The following CSTPP1 variants were observed in gnomAD, a reference collection of about 807,000 sequenced individuals.
The protein encoded by CSTPP1 is centriolar satellite-associated tubulin polyglutamylase complex regulator 1.
At chr11:47,064,856 T>C in the CSTPP1 span, among the ~76,000 whole-genome samples, 1 of 152,076 alleles carries the variant, frequency 6.6e-6, no homozygotes. Flanking sequence ...GCGATTCTCC[T>C]GCTTCAGCCT....
the CSTPP1 span, among the ~76,000 whole-genome samples, chr11:47,045,790 CT>C: frequency 1.3e-5 from 2 of 151,562 alleles, no homozygotes; most frequent in African/African-American, 4.8e-5. Flanking sequence ...TCTTTTTTCT[CT>C]TTTTTTTCTT....
the CSTPP1 span, among the ~76,000 whole-genome samples, chr11:46,976,671 C>T: frequency 6.6e-6 from 1 of 152,090 alleles, no homozygotes; most frequent in Non-Finnish European, 1.5e-5. Context: ...AACCCTTTCC[C>T]CACATGAGTT....
chr11:47,073,295 G>A, the CSTPP1 span, among the ~76,000 whole-genome samples: 1 of 152,206 alleles, frequency 6.6e-6, no homozygotes, highest in Non-Finnish European at 1.5e-5. Flanking sequence ...TAGGGAGTGG[G>A]ATCCTATAGA....
the CSTPP1 span, among the ~76,000 whole-genome samples, chr11:47,091,184 G>A: frequency 1.9e-4 from 29 of 151,662 alleles, no homozygotes; most frequent in African/African-American, 7.0e-4. Flanking sequence ...GAGGTCAGGA[G>A]ATCGAGACCA....
At chr11:47,012,695 C>T in the CSTPP1 span, among the ~76,000 whole-genome samples, 6 of 151,940 alleles carry the variant, frequency 3.9e-5, no homozygotes, top group African/African-American at 1.2e-4. Flanking sequence ...ACTGGATTCA[C>T]GATGGGAGCC....
At chr11:47,133,887 A>T in the CSTPP1 span, among the ~76,000 whole-genome samples, 4 of 152,158 alleles carry the variant, frequency 2.6e-5, no homozygotes, top group African/African-American at 9.7e-5. Context: ...AAGATTAGTG[A>T]GGTGACATAT....
At chr11:46,953,221 C>T in the CSTPP1 span, among the ~76,000 whole-genome samples, 2 of 152,074 alleles carry the variant, frequency 1.3e-5, no homozygotes, top group Non-Finnish European at 2.9e-5. Context: ...AAGAGTAAAT[C>T]GGAGGGTGAA....
the CSTPP1 span, among the ~76,000 whole-genome samples, chr11:47,068,925 T>A: frequency 6.6e-6 from 1 of 152,104 alleles, no homozygotes; most frequent in African/African-American, 2.4e-5. Context: ...AATTTCCTAA[T>A]CAGTGGCACA....
the CSTPP1 span, among the ~76,000 whole-genome samples, chr11:47,149,698 C>T: frequency 2.0e-5 from 3 of 152,138 alleles, no homozygotes; most frequent in Non-Finnish European, 4.4e-5. Flanking sequence ...AGACAGACAG[C>T]ACAGCATATG....
the CSTPP1 span, chr11:47,052,599 T>C: frequency 2.6e-6 from 4 of 1,521,354 alleles, no homozygotes; most frequent in Admixed American, 2.0e-5. Context: ...CTCTCTTTCT[T>C]TCTCTCTCTC....
the CSTPP1 span, among the ~76,000 whole-genome samples, chr11:47,013,760 G>A: frequency 6.6e-6 from 1 of 152,214 alleles, no homozygotes; most frequent in South Asian, 2.1e-4. Context: ...ACCCGGTAAT[G>A]GGATTGCTGA....
chr11:47,146,305 C>T, the CSTPP1 span, among the ~76,000 whole-genome samples: 1 of 143,866 alleles, frequency 7.0e-6, no homozygotes, highest in African/African-American at 2.6e-5. Context: ...GTGGAGATTG[C>T]AGTGAGCCGA....
At chr11:47,082,713 C>T in the CSTPP1 span, among the ~76,000 whole-genome samples, 3 of 152,014 alleles carry the variant, frequency 2.0e-5, no homozygotes, top group African/African-American at 7.2e-5. Context: ...GCAGTAACTC[C>T]CCTTTTTCCC....
the CSTPP1 span, among the ~76,000 whole-genome samples, chr11:47,070,150 G>A: frequency 6.6e-6 from 1 of 152,252 alleles, no homozygotes; most frequent in Middle Eastern, 3.4e-3. Context: ...CAGGAGCCCA[G>A]GAGTTGGAGA....
chr11:47,061,785 A>G, the CSTPP1 span, among the ~76,000 whole-genome samples: 14 of 152,058 alleles, frequency 9.2e-5, no homozygotes, highest in African/African-American at 3.4e-4. Flanking sequence ...CTGAGTTCCT[A>G]ATTTTCCCTT....
At chr11:47,043,916 A>G in the CSTPP1 span, among the ~76,000 whole-genome samples, 1 of 152,192 alleles carries the variant, frequency 6.6e-6, no homozygotes, top group Non-Finnish European at 1.5e-5. Flanking sequence ...TAAATTATTC[A>G]TTCTCTATTC....
the CSTPP1 span, among the ~76,000 whole-genome samples, chr11:47,043,750 C>T: frequency 6.6e-6 from 1 of 151,514 alleles, no homozygotes. Flanking sequence ...CTGGCATTTT[C>T]AGAGGCCAAA....
At chr11:47,162,238 T>C in the CSTPP1 span, 6 of 985,480 alleles carry the variant, frequency 6.1e-6, no homozygotes, top group Non-Finnish European at 7.2e-6. Context: ...AAGTCCCTCA[T>C]GTCTGGTAAC....
chr11:47,005,999 T>C, the CSTPP1 span, among the ~76,000 whole-genome samples: 4 of 152,192 alleles, frequency 2.6e-5, no homozygotes, highest in Non-Finnish European at 5.9e-5. Context: ...TCAACTCTTA[T>C]GGAGCTTCCA....
Sources: gnomAD v4.1 joint callset for allele counts (sites outside exome capture counted in the v4.1 genomes callset) on GRCh38, gnomAD v4.1.1 for gene constraint, MANE v1.5 for transcripts, NCBI Gene and HGNC (gene_info 2026-07-23, HGNC 2026-07-21) for gene names.